The following PIGB variants were observed in gnomAD, a reference collection of about 807,000 sequenced individuals.
The protein encoded by PIGB is phosphatidylinositol glycan anchor biosynthesis class B.
PIGB carries 58 observed loss-of-function variants against 68.4 expected under a neutral mutation model. That is an observed-to-expected ratio of 0.85 (90% CI 0.69 to 1.06). The LOEUF (loss-of-function observed/expected upper bound fraction) is 1.06. Among genes scored for constraint, PIGB ranks in the 50% least tolerant of loss-of-function variants. The probability of loss-of-function intolerance (pLI) is 0.00; values close to 1 mark genes in which losing one functional copy is unlikely to be tolerated. For missense variants in PIGB, 634 were observed against 655.8 expected (o/e 0.97, Z 0.36); for synonymous variants, 219 against 220.5 (o/e 0.99, Z 0.06).
intron 5 of PIGB, 70 bp from the exon 6 acceptor site, chr15:55,333,796 AT>A (rs2055475783): frequency 8.9e-7 from 1 of 1,119,652 alleles, no homozygotes; most frequent in African/African-American, 1.6e-5. Context: ...AAAATGTCAA[AT>A]CACAGTGTAA....
At chr15:55,341,235 CCTG>C (rs1390316603) in intron 8 of PIGB, among the ~76,000 whole-genome samples, 2 of 152,134 alleles carry the variant, frequency 1.3e-5, no homozygotes, top group Non-Finnish European at 2.9e-5. Flanking sequence ...ATGGCATGTG[CCTG>C]TAGTCCTAGC....
At chr15:55,327,489 C>G (rs1485895222) in intron 3 of PIGB, 42 bp from the exon 4 acceptor site, 2 of 1,295,504 alleles carry the variant, frequency 1.5e-6, no homozygotes, top group East Asian at 4.8e-5. Context: ...TTTGAACCAA[C>G]AGATATTTTT....
chr15:55,324,856 C>A, intron 3 of PIGB: 1 of 969,614 alleles, frequency 1.0e-6, no homozygotes, highest in Non-Finnish European at 1.2e-6. Context: ...AGTGCCTTTT[C>A]CTGTATTTTA....
At chr15:55,335,583 G>C (rs563771939) in intron 6 of PIGB, among the ~76,000 whole-genome samples, 1 of 152,276 alleles carries the variant, frequency 6.6e-6, no homozygotes, top group African/African-American at 2.4e-5. Flanking sequence ...ATAATTGTGG[G>C]ATAAGAAGGA....
chr15:55,323,404 C>A (rs2055209987), intron 3 of PIGB, among the ~76,000 whole-genome samples: 1 of 152,070 alleles, frequency 6.6e-6, no homozygotes, highest in African/African-American at 2.4e-5. Flanking sequence ...GGGAGGATTG[C>A]TTGAGGCCAG....
chr15:55,342,144 A>G (rs1037698019), intron 9 of PIGB, among the ~76,000 whole-genome samples: 4 of 152,144 alleles, frequency 2.6e-5, no homozygotes, highest in African/African-American at 9.7e-5. Context: ...CAAACAAAAA[A>G]CCCACATAAA....
intron 10 of PIGB, 86 bp downstream of exon 10, chr15:55,350,998 A>C (rs1382522131): frequency 1.5e-6 from 1 of 683,476 alleles, no homozygotes. Context: ...GATTTGAATT[A>C]ATTGGTCACT....
intron 10 of PIGB, chr15:55,351,444 C>T (rs1027241992): frequency 5.9e-5 from 9 of 153,240 alleles, no homozygotes; most frequent in Admixed American, 5.8e-4. Context: ...TTTACTTACA[C>T]CTAATTCTGA....
chr15:55,324,927 T>TATTTACACATTGTGTAAATA (rs1566947512), intron 3 of PIGB: 1 of 422,860 alleles, frequency 2.4e-6, no homozygotes, highest in Non-Finnish European at 3.2e-6. Context: ...TTTTAGCATT[T>TATTTACACATTGTGTAAATA]ATTTACACAT....
intron 3 of PIGB, among the ~76,000 whole-genome samples, chr15:55,324,336 A>C (rs1170969825): frequency 1.3e-5 from 2 of 152,180 alleles, no homozygotes; most frequent in Non-Finnish European, 1.5e-5. Flanking sequence ...ACCTCACTCC[A>C]CTGCTTTATT....
At chr15:55,354,285 G>A (rs1287039694) in intron 10 of PIGB, among the ~76,000 whole-genome samples, 1 of 151,758 alleles carries the variant, frequency 6.6e-6, no homozygotes, top group African/African-American at 2.4e-5. Context: ...TCCAGCCTGG[G>A]TGACGAGAGC....
At chr15:55,348,279 C>A (rs1302780489) in intron 9 of PIGB, 1 of 152,304 alleles carries the variant, frequency 6.6e-6, no homozygotes, top group East Asian at 1.9e-4. Flanking sequence ...GCCACAGCCC[C>A]CGGCCTTGAA....
chr15:55,346,967 G>C (rs756227772), intron 9 of PIGB, among the ~76,000 whole-genome samples: 3 of 152,150 alleles, frequency 2.0e-5, no homozygotes, highest in African/African-American at 4.8e-5. Context: ...TTCAGTGCCA[G>C]AAGGTTTAAA....
chr15:55,353,193 C>A (rs561463532), intron 10 of PIGB, among the ~76,000 whole-genome samples: 5 of 152,298 alleles, frequency 3.3e-5, no homozygotes, highest in South Asian at 4.1e-4. Context: ...CTTTTCAAAG[C>A]ACACAAGAGA....
At position 55,350,901 on chromosome 15, in the gene PIGB, T is replaced by G; in HGVS notation, c.1326T>G (p.Thr442=). The change falls in exon 10 of 12, where the codon ACT becomes ACG. Residue 442 remains threonine (T), a synonymous_variant. Transcript: ENST00000164305. Reference sequence around the variant, plus strand: ...TTATAATGATGCCTTGCCACTCTACTCCTTATTACAGGTAATAAAAGATGT... The same window carrying G: ...TTATAATGATGCCTTGCCACTCTACGCCTTATTACAGGTAATAAAAGATGT... ...SIFIMMPCHS[T]PYYSHVHCPL... The G allele has an allele frequency of 1.3e-6, 2 of 1,552,650 alleles. No individual in the cohort carries two copies. The highest frequency in any genetic ancestry group is 1.8e-6 in the Non-Finnish European group (2 of 1,126,774).
intron 9 of PIGB, chr15:55,350,082 ATTGT>A (rs1453567382): frequency 6.6e-6 from 1 of 152,096 alleles, no homozygotes; most frequent in East Asian, 1.9e-4. Flanking sequence ...AAAAAGAAAA[ATTGT>A]TCAGCATCTC....
chr15:55,321,158 T>G (rs1283681762), intron 2 of PIGB, 115 bp from the exon 3 acceptor site: 7 of 857,216 alleles, frequency 8.2e-6, no homozygotes, highest in Non-Finnish European at 1.2e-5. Flanking sequence ...GCAGGACCAC[T>G]TGAGCCCAAG....
At chr15:55,326,727 C>A (rs1490234973) in intron 3 of PIGB, among the ~76,000 whole-genome samples, 1 of 151,818 alleles carries the variant, frequency 6.6e-6, no homozygotes, top group Non-Finnish European at 1.5e-5. Context: ...ATTAGCCGGG[C>A]GTGGGAGGCT....
chr15:55,354,310 C>CA (rs111863140), intron 10 of PIGB, among the ~76,000 whole-genome samples: 6,036 of 138,062 alleles, frequency 0.044, 123 homozygotes, highest in African/African-American at 0.065. Flanking sequence ...CTCTTGTCTT[C>CA]AAAAAAAAAA....
Sources: gnomAD v4.1 joint callset for allele counts (sites outside exome capture counted in the v4.1 genomes callset) on GRCh38, gnomAD v4.1.1 for gene constraint, MANE v1.5 for transcripts, NCBI Gene and HGNC (gene_info 2026-07-23, HGNC 2026-07-21) for gene names.